HDLBP: variants seen among roughly 807,000 people sequenced by gnomAD.
HDLBP encodes the protein vigilin.
HDLBP carries 30 observed loss-of-function variants against 137.3 expected under a neutral mutation model. The observed-to-expected ratio is 0.22, with a 90% confidence interval of 0.16 to 0.30. HDLBP has a LOEUF of 0.30. HDLBP is among the 10% of genes least tolerant of loss of function. The pLI is 1.00. For synonymous variants in HDLBP, 606 were observed against 596.0 expected, an observed-to-expected ratio of 1.02 and a Z score of -0.24; for missense variants, 1,119 against 1,667.3, an observed-to-expected ratio of 0.67 and a Z score of 5.73.
Position 241,230,727 on chromosome 2 carries a change from A to G in HDLBP, c.3474+32T>C. ...AGCCAGGTGCCCCCGGTGAGAGAGG[A>G]TTCTCACCCACTGTGCTTCCAGCCG... On this transcript the variant is annotated intron_variant, in intron 25 of 27. Transcript: ENST00000310931. The surrounding 1 kb of genome is among the most constrained non-coding windows in gnomAD (Gnocchi z 5.0). 1 of 1,596,294 alleles carries G rather than the reference A, an allele frequency of 6.3e-7. No homozygotes were observed. The highest frequency in any genetic ancestry group is 8.6e-7 in the Non-Finnish European group (1 of 1,164,402).
chr2:241,256,139 T>G (rs2072594687), intron 7 of HDLBP, 45 bp downstream of exon 7: 1 of 1,536,460 alleles, frequency 6.5e-7, no homozygotes, highest in Non-Finnish European at 9.0e-7. Flanking sequence ...CAAATCCTCA[T>G]TTCTATTCCT....
intron 12 of HDLBP, 45 bp from the exon 13 acceptor site, chr2:241,248,393 G>A (rs570077441): frequency 1.0e-5 from 15 of 1,457,628 alleles, no homozygotes; most frequent in East Asian, 9.1e-5. Flanking sequence ...CAAGCACGGC[G>A]AGCAACTCCC....
chr2:241,233,882 T>G lies in HDLBP; in HGVS notation c.3226A>C (p.Thr1076Pro). The G allele has an allele frequency of 6.2e-7, 1 of 1,614,170 alleles. No individual in the cohort carries two copies. The highest frequency in any genetic ancestry group is 8.5e-7 in the Non-Finnish European group (1 of 1,180,016). Residue 1076 changes from threonine to proline, a missense_variant, in exon 24 of 28, where the codon ACC becomes CCC. Thr to Pro is a conservative substitution (Grantham distance 38). Transcript: ENST00000310931. This position sits in a 1 kb window ranked among gnomAD's most constrained non-coding sequence, Gnocchi z 4.3. The stretch of plus-strand genomic sequence containing the variant: ...ACGTCATGCTCCAACCGGATTTGGG[T>G]AATTACTGCCCCCTTTCTCCCGATA... ...KIIGRKGAVI[T>P]QIRLEHDVNI...
chr2:241,277,905 G>A (rs2074454294), intron 1 of HDLBP, among the ~76,000 whole-genome samples: 1 of 152,082 alleles, frequency 6.6e-6, no homozygotes, highest in Non-Finnish European at 1.5e-5. Flanking sequence ...AGGTTGCCGT[G>A]GGCCGAGACC....
intron 1 of HDLBP, among the ~76,000 whole-genome samples, chr2:241,299,051 T>C (rs2075292485): frequency 6.6e-6 from 1 of 152,052 alleles, no homozygotes; most frequent in Admixed American, 6.5e-5. Context: ...AGGAGGAAGG[T>C]GTCTTGTCTA....
At chr2:241,301,230 G>A (rs1464527675) in intron 1 of HDLBP, among the ~76,000 whole-genome samples, 1 of 149,986 alleles carries the variant, frequency 6.7e-6, no homozygotes, top group Non-Finnish European at 1.5e-5. Context: ...CTCGTGATCT[G>A]CCCACCTAGG....
chr2:241,295,979 T>A (rs2075163991), intron 1 of HDLBP, among the ~76,000 whole-genome samples: 1 of 151,898 alleles, frequency 6.6e-6, no homozygotes, highest in Admixed American at 6.6e-5. Flanking sequence ...ACCAAATGTG[T>A]GGTAATTTGT....
At chr2:241,311,924 C>T (rs2075768389) in intron 1 of HDLBP, among the ~76,000 whole-genome samples, 1 of 152,070 alleles carries the variant, frequency 6.6e-6, no homozygotes, top group African/African-American at 2.4e-5. Flanking sequence ...CAGTGTCAAG[C>T]GAAGAGACAT....
At position 241,229,824 on chromosome 2, in the gene HDLBP, G is replaced by C; in HGVS notation, c.3720+9C>G. The C allele has an allele frequency of 1.2e-6, 1 of 800,518 alleles. No individual in the cohort carries two copies. Among genetic ancestry groups the C allele is most frequent in the South Asian group, 1.4e-5 (1 of 71,732 alleles). The allele number at this position is 800,518 out of a possible 1,614,324, so 49.6% of individuals were successfully genotyped here. ...CTGGGACCCAGGAGGGCAGAAGCCC[G>C]CATCTGACCTTCTCACTGCTGCTGG... On this transcript the variant is annotated intron_variant, in intron 27 of 27. Coordinates refer to ENST00000310931, the MANE Select transcript of HDLBP (RefSeq NM_005336.6).
At position 241,239,569 on chromosome 2, in the gene HDLBP, T is replaced by G. The variant is rs753540667; in HGVS notation, c.2610+33A>C. ...GCTTCGGTGAGTGGCCACTGGGGGG[T>G]GAGAACCCCTCCCCGAGCACCCAAG... On this transcript the variant is annotated intron_variant, in intron 19 of 27. Transcript: ENST00000310931. This position sits in a 1 kb window ranked among gnomAD's most constrained non-coding sequence, Gnocchi z 4.6. 2.6e-5 allele frequency: 40 copies of G among 1,563,996 alleles called. No homozygotes were observed. Among genetic ancestry groups the G allele is most frequent in the East Asian group, 2.2e-5 (1 of 44,632 alleles).
chr2:241,290,616 A>AG (rs565626644), intron 1 of HDLBP, among the ~76,000 whole-genome samples: 1 of 45,714 alleles, frequency 2.2e-5, no homozygotes, highest in Non-Finnish European at 8.8e-5. Context: ...GTCTCAAAGG[A>AG]AAAAAAAAAA....
intron 1 of HDLBP, among the ~76,000 whole-genome samples, chr2:241,306,505 C>T (rs529416308): frequency 3.9e-5 from 6 of 152,074 alleles, no homozygotes; most frequent in African/African-American, 7.2e-5. Flanking sequence ...GTGATCTGCC[C>T]GCCTCAGCCT....
chr2:241,254,526 C>T (rs925411208), intron 9 of HDLBP, among the ~76,000 whole-genome samples: 2 of 151,370 alleles, frequency 1.3e-5, no homozygotes, highest in African/African-American at 4.9e-5. Context: ...GCTCTGTCGC[C>T]AAGGCTGGAA....
chr2:241,273,160 A>G (rs1006438870), intron 1 of HDLBP: 29 of 985,326 alleles, frequency 2.9e-5, no homozygotes, highest in Admixed American at 1.2e-4. Context: ...CCTCCCCAAA[A>G]TCAGAAGAAA....
At chr2:241,294,690 C>G (rs2075117382) in intron 1 of HDLBP, among the ~76,000 whole-genome samples, 1 of 152,078 alleles carries the variant, frequency 6.6e-6, no homozygotes. Flanking sequence ...AAATTTTAAA[C>G]AAAACACGAG....
Position 241,255,168 on chromosome 2 carries a change from T to C in HDLBP, c.1081-10A>G, listed in dbSNP as rs2305075. 0.096 allele frequency: 154,321 copies of C among 1,611,246 alleles called. 7,888 individuals are homozygous for C. Among genetic ancestry groups the C allele is most frequent in the Middle Eastern group, 0.16 (962 of 6,060 alleles). ...CGGTGAAGCTATTGGCCTAAGAAAA[T>C]GGGAGAACAGCCATGGGTTTGCAGA... On this transcript the variant is annotated splice_polypyrimidine_tract_variant and intron_variant, in intron 8 of 27. Coordinates refer to ENST00000310931, the MANE Select transcript of HDLBP (RefSeq NM_005336.6).
chr2:241,234,778 G>A (rs933427382), intron 23 of HDLBP, among the ~76,000 whole-genome samples: 2 of 152,206 alleles, frequency 1.3e-5, no homozygotes, highest in African/African-American at 2.4e-5. Flanking sequence ...GGGGGTCCCC[G>A]ATGCTCGTCC....
chr2:241,307,322 T>C (rs1265397858), intron 1 of HDLBP, among the ~76,000 whole-genome samples: 3 of 152,256 alleles, frequency 2.0e-5, no homozygotes, highest in Admixed American at 6.5e-5. Context: ...ACTTGCTGAC[T>C]GTTGACTTTG....
rs2073845301 is a variant in HDLBP at position 241,268,530 on chromosome 2, T to C, written c.-91A>G. On this transcript the variant is annotated 5_prime_UTR_variant, in exon 2 of 28. Coordinates refer to ENST00000310931, the MANE Select transcript of HDLBP (RefSeq NM_005336.6). ...CGTCCTGAGGCCGCCTCTGTCAGCCTGCCAGCTTTTGCTGGTATGGGATGG... is the reference window on the plus strand; with the variant it reads ...CGTCCTGAGGCCGCCTCTGTCAGCCCGCCAGCTTTTGCTGGTATGGGATGG... 1 of 985,088 alleles carries C rather than the reference T, an allele frequency of 1.0e-6. No homozygotes were observed. Among genetic ancestry groups the C allele is most frequent in the Non-Finnish European group, 1.2e-6 (1 of 829,202 alleles). The allele number at this position is 985,088 out of a possible 1,614,324, so 61.0% of individuals were successfully genotyped here.
Sources: gnomAD v4.1 joint callset for allele counts (sites outside exome capture counted in the v4.1 genomes callset) on GRCh38, gnomAD v4.1.1 for gene constraint, Gnocchi (gnomAD v3.1) non-coding constraint, MANE v1.5 for transcripts, NCBI Gene and HGNC (gene_info 2026-07-23, HGNC 2026-07-21) for gene names.